The following MROH7 variants were observed in gnomAD, a reference collection of about 807,000 sequenced individuals.
The protein encoded by MROH7 is maestro heat-like repeat-containing protein family member 7.
Under a neutral mutation model 129.2 loss-of-function variants are expected in MROH7, and 113 were observed. That is an observed-to-expected ratio of 0.87 (90% confidence interval 0.75 to 1.02). The LOEUF (loss-of-function observed/expected upper bound fraction) is 1.02. Ranked by LOEUF, MROH7 falls within the 50% of genes least tolerant of loss-of-function variation. The pLI, the probability that MROH7 is intolerant of heterozygous loss-of-function variation, is 0.00. For missense variants in MROH7, 1,601 were observed against 1,671.3 expected (o/e 0.96, Z 0.73); for synonymous variants, 655 against 667.9 (o/e 0.98, Z 0.30).
At chr1:54,676,316 C>G (rs1179010960) in intron 10 of MROH7, among the ~76,000 whole-genome samples, 2 of 152,162 alleles carry the variant, frequency 1.3e-5, no homozygotes, top group African/African-American at 4.8e-5. Context: ...TGGCTCATTG[C>G]AGCCTCAACC....
In MROH7 at chr1:54,703,556, C is replaced by T. The variant is rs1041528161; in HGVS notation, c.3564+811C>T. On this transcript the variant is annotated intron_variant, in intron 21 of 23. Coordinates refer to ENST00000421030, the MANE Select transcript of MROH7 (RefSeq NM_001039464.4). This position sits in a 1 kb window ranked among gnomAD's most constrained non-coding sequence, Gnocchi z 4.4. ...TCATGGTTCTTCATATAATAGTTTC[C>T]CAAACTTATTTAACCACAGAGCTTC... is the stretch of plus-strand genomic sequence containing the variant. 6.6e-6 allele frequency among the ~76,000 whole-genome samples: 1 copy of T among 150,452 alleles called. No homozygotes were observed. Among genetic ancestry groups the T allele is most frequent in the Non-Finnish European group, 1.5e-5 (1 of 67,796 alleles).
intron 5 of MROH7, among the ~76,000 whole-genome samples, chr1:54,669,517 G>A (rs1034054002): frequency 3.9e-5 from 6 of 152,186 alleles, no homozygotes; most frequent in Non-Finnish European, 8.8e-5. Context: ...AAAATGAGAA[G>A]CAATTAGAAG....
intron 22 of MROH7, among the ~76,000 whole-genome samples, chr1:54,708,006 C>G (rs749846192): frequency 2.0e-5 from 3 of 152,072 alleles, no homozygotes; most frequent in African/African-American, 7.2e-5. Context: ...GAGAAAAGCT[C>G]GCAGATACTC....
chr1:54,707,085 T>C (rs1384312448), intron 22 of MROH7, among the ~76,000 whole-genome samples: 5 of 152,170 alleles, frequency 3.3e-5, no homozygotes, highest in African/African-American at 7.2e-5. Flanking sequence ...GCAGTCTTCA[T>C]TCTTCCATTT....
Position 54,670,860 on chromosome 1 carries a change from C to T in MROH7, c.1530C>T (p.His510=). The change falls in exon 7 of 24, where the codon CAC becomes CAT. Residue 510 remains histidine, a synonymous_variant. Transcript: ENST00000421030. ...CGGAGCTGGTGAACGTGTGTGTGCA[C>T]AGCGTGTTCTCCCTGCCCTCCGTGC... ...ERSELVNVCV[H]SVFSLPSVQA... is the part of the protein sequence containing the mutation. The T allele has an allele frequency of 6.2e-7, 1 of 1,613,776 alleles. No individual in the cohort carries two copies. The highest frequency in any genetic ancestry group is 8.5e-7 in the Non-Finnish European group (1 of 1,179,940).
At chr1:54,696,620 A>T (rs1177477863) in intron 17 of MROH7, among the ~76,000 whole-genome samples, 1 of 149,520 alleles carries the variant, frequency 6.7e-6, no homozygotes, top group African/African-American at 2.5e-5. Context: ...AATGTCTTCA[A>T]GATTTATCTA....
chr1:54,694,192 A>G (rs1304428422), intron 16 of MROH7, among the ~76,000 whole-genome samples: 1 of 152,202 alleles, frequency 6.6e-6, no homozygotes, highest in African/African-American at 2.4e-5. Flanking sequence ...AAATAGCACT[A>G]TTATTATCCC....
At chr1:54,679,183 T>C (rs1355426126) in intron 11 of MROH7, 80 bp from the exon 12 acceptor site, 1 of 1,426,566 alleles carries the variant, frequency 7.0e-7, no homozygotes, top group Non-Finnish European at 9.9e-7. Flanking sequence ...AGGCAGTGTT[T>C]GTGCCTCTGT....
rs1172344030 is a variant in MROH7 at position 54,665,150 on chromosome 1, G to A, written c.1232-17G>A. 1 of 1,610,008 alleles carries A rather than the reference G, an allele frequency of 6.2e-7. No individual in the cohort carries two copies. The highest frequency in any genetic ancestry group is 8.5e-7 in the Non-Finnish European group (1 of 1,176,500). ...TCACAGCTTTATCCACCTTCTCATT[G>A]AAATCGTGCCCTGCAGGAGCCTTTG... On this transcript the variant is annotated splice_polypyrimidine_tract_variant and intron_variant, in intron 3 of 23. Transcript: ENST00000421030.
intron 23 of MROH7, among the ~76,000 whole-genome samples, chr1:54,709,568 G>A (rs1329783977): frequency 2.6e-5 from 4 of 152,042 alleles, no homozygotes; most frequent in African/African-American, 9.7e-5. Context: ...GTACCACTGG[G>A]TTACCAAGAG....
In MROH7 at chr1:54,706,488, T is replaced by A. The variant is rs370989009; in HGVS notation, c.3618T>A (p.Tyr1206Ter). 6.2e-7 allele frequency: 1 copy of A among 1,613,610 alleles called. No individual in the cohort carries two copies. Among genetic ancestry groups the A allele is most frequent in the African/African-American group, 1.3e-5 (1 of 74,906 alleles). The change falls in exon 22 of 24, where the codon TAT becomes TAA. Residue 1206 changes from tyrosine to a stop codon, truncating the protein, a stop_gained. Coordinates refer to ENST00000421030, the MANE Select transcript of MROH7 (RefSeq NM_001039464.4). LOFTEE classifies it high-confidence loss of function. ...TATTCCTCAGCCAGAGCCTGGAGTA[T>A]GCCAAGAACTCACGGGCCTCCCTCC... ...AFIFLSQSLE[Y>*]AKNSRASLRK... is the part of the protein sequence containing the mutation.
intron 3 of MROH7, among the ~76,000 whole-genome samples, chr1:54,658,736 T>C (rs1324021249): frequency 6.6e-6 from 1 of 152,174 alleles, no homozygotes; most frequent in Admixed American, 6.5e-5. Flanking sequence ...ATTTCTCAAC[T>C]TTGGCACTAT....
intron 14 of MROH7, among the ~76,000 whole-genome samples, chr1:54,684,405 G>A (rs572482283): frequency 2.0e-5 from 3 of 152,172 alleles, no homozygotes; most frequent in African/African-American, 7.2e-5. Context: ...TGTGCCTAAG[G>A]CACCAGCACT....
chr1:54,645,758 T>G (rs1383871830), intron 1 of MROH7, among the ~76,000 whole-genome samples: 1 of 149,114 alleles, frequency 6.7e-6, no homozygotes, highest in African/African-American at 2.5e-5. Flanking sequence ...CTCAAGCAAT[T>G]CTCCTGCCTC....
chr1:54,708,408 C>T (rs1645570210), intron 22 of MROH7, among the ~76,000 whole-genome samples: 1 of 132,260 alleles, frequency 7.6e-6, no homozygotes, highest in Admixed American at 7.3e-5. Context: ...GTCTGGGCAA[C>T]ACTGTCTAAA....
chr1:54,684,558 T>C (rs1645117674), intron 14 of MROH7, among the ~76,000 whole-genome samples: 2 of 152,290 alleles, frequency 1.3e-5, no homozygotes, highest in African/African-American at 4.8e-5. Flanking sequence ...CTTATGGCAC[T>C]GATAAATCGT....
chr1:54,645,639 T>TTTGC (rs974380723), intron 1 of MROH7, among the ~76,000 whole-genome samples: 3 of 138,252 alleles, frequency 2.2e-5, no homozygotes, highest in East Asian at 2.1e-4. Context: ...ATTTCTTTTC[T>TTTGC]TTTCTTTCTT....
In MROH7 at chr1:54,709,997, C is replaced by T; in HGVS notation, c.3782C>T (p.Ala1261Val). Residue 1261 changes from alanine (A) to valine (V), a missense_variant, in exon 24 of 24, where the codon GCC becomes GTC. Transcript: ENST00000421030. ...DPEASVCIYAAQVQDHILASC... is the reference protein window; with the variant it reads ...DPEASVCIYAVQVQDHILASC... ...GAAGCATCAGTGTGCATCTACGCAG[C>T]CCAGGTCCAGGACCACATCCTGGCC... 2 of 1,614,136 alleles carry T rather than the reference C, an allele frequency of 1.2e-6. No individual in the cohort carries two copies. Among genetic ancestry groups the T allele is most frequent in the Non-Finnish European group, 1.7e-6 (2 of 1,180,016 alleles).
intron 4 of MROH7, 84 bp downstream of exon 4, chr1:54,665,324 C>T (rs559640702): frequency 3.0e-5 from 30 of 1,003,246 alleles, no homozygotes; most frequent in East Asian, 4.9e-5. Context: ...CAGCAGCCTC[C>T]GCATTCCCCA....
Sources: allele counts gnomAD v4.1 joint callset (sites outside exome capture counted in the v4.1 genomes callset), GRCh38; gene constraint gnomAD v4.1.1; non-coding constraint Gnocchi (gnomAD v3.1); transcripts MANE v1.5; gene names NCBI Gene and HGNC (gene_info 2026-07-23, HGNC 2026-07-21).